TBC1D25: variants seen among roughly 807,000 people sequenced by gnomAD.
TBC1D25 encodes 5SN3 snoRNA.
TBC1D25 carries 13 observed loss-of-function variants against 38.8 expected under a neutral mutation model. The observed-to-expected ratio is 0.34, with a 90% CI of 0.22 to 0.53. The LOEUF is 0.53. TBC1D25 is among the 20% of genes least tolerant of loss of function. The pLI, the probability that TBC1D25 is intolerant of heterozygous loss-of-function variation, is 0.94. For synonymous variants in TBC1D25, 225 were observed against 255.6 expected (o/e 0.88, Z 1.14); for missense variants, 372 against 600.0 (o/e 0.62, Z 3.97).
At chrX:48,540,663 G>A (rs1170012916) in intron 1 of TBC1D25, among the ~76,000 whole-genome samples, 2 of 111,873 alleles carry the variant, frequency 1.8e-5, no homozygotes, top group Non-Finnish European at 3.8e-5. Flanking sequence ...AGGGCCTTTG[G>A]TGTGTATGCT....
chrX:48,548,405 C>T (rs1445908327), intron 3 of TBC1D25, among the ~76,000 whole-genome samples: 2 of 111,309 alleles, frequency 1.8e-5, no homozygotes, highest in African/African-American at 3.3e-5. Flanking sequence ...CAAGAGCCAC[C>T]GCACCCAGCC....
In TBC1D25 at chrX:48,561,349, G is replaced by A. The variant is rs1365100782; in HGVS notation, c.*374G>A. ...AGGCTCCAGCTTCCCCCTTGTGATG[G>A]GGAGAGTGGATGCTGACAATCAGTT... On this transcript the variant is annotated 3_prime_UTR_variant, in exon 6 of 6. Transcript: ENST00000376771. 6.0e-6 allele frequency: 1 copy of A among 165,749 alleles called. No homozygotes were observed. Among genetic ancestry groups the A allele is most frequent in the East Asian group, 1.4e-4 (1 of 7,137 alleles). The allele number at this position is 165,749 out of a possible 1,213,427, so 13.7% of individuals were successfully genotyped here.
In TBC1D25 at chrX:48,559,240, G is replaced by A. The variant is rs370006983; in HGVS notation, c.599G>A (p.Ser200Asn). 2.5e-6 allele frequency: 3 copies of A among 1,209,381 alleles called. No homozygotes were observed. The highest frequency in any genetic ancestry group is 3.4e-6 in the Non-Finnish European group (3 of 895,072). The change falls in exon 5 of 6, where the codon AGC (serine) becomes AAC (asparagine). Residue 200 changes from serine (S) to asparagine (N), a missense_variant. By Grantham distance (46) the Ser-to-Asn change is conservative. This residue lies in a region of TBC1D25 where 312 missense variants were observed against 549.3 expected (regional missense o/e 0.57). Coordinates refer to ENST00000376771, the MANE Select transcript of TBC1D25 (RefSeq NM_002536.4). ...EDVKPFKPPL[S>N]DAEFHTYLNH... ...GTCAAGCCCTTCAAGCCACCCCTGA[G>A]CGATGCTGAGTTTCACACGTACCTG...
rs782222361 is a variant in TBC1D25, at chrX:48,539,771, C to A, written c.-27C>A. The A allele has an allele frequency of 3.1e-6, 3 of 954,341 alleles. No individual in the cohort carries two copies. Among genetic ancestry groups the A allele is most frequent in the African/African-American group, 4.0e-5 (2 of 49,503 alleles). The allele number at this position is 954,341 out of a possible 1,213,427, so 78.6% of individuals were successfully genotyped here. A position where few individuals can be genotyped will look rare whatever the true frequency, so the allele number is the denominator to read the frequency against. The stretch of plus-strand genomic sequence containing the variant: ...GCCGGGGTGGGGGGCAACGGTCAGC[C>A]GTCACCCTGAGACGGGCGGCGGCGG... On this transcript the variant is annotated 5_prime_UTR_variant, in exon 1 of 6. Coordinates refer to ENST00000376771, the MANE Select transcript of TBC1D25 (RefSeq NM_002536.4).
chrX:48,552,822 C>T (rs1354769810), intron 3 of TBC1D25, among the ~76,000 whole-genome samples: 23 of 108,499 alleles, frequency 2.1e-4, no homozygotes, highest in African/African-American at 7.4e-4. Context: ...TGGAGTCTTG[C>T]TCTGTTGCCC....
chrX:48,539,785 G>C lies in TBC1D25; in HGVS notation c.-13G>C. ...CAACGGTCAGCCGTCACCCTGAGACGGGCGGCGGCGGGATGGCAACAGCCT... is the reference window on the plus strand; with the variant it reads ...CAACGGTCAGCCGTCACCCTGAGACCGGCGGCGGCGGGATGGCAACAGCCT... On this transcript the variant is annotated 5_prime_UTR_variant, in exon 1 of 6. Transcript: ENST00000376771. 1 of 960,473 alleles carries C rather than the reference G, an allele frequency of 1.0e-6. No homozygotes were observed. The highest frequency in any genetic ancestry group is 1.3e-6 in the Non-Finnish European group (1 of 766,148). 79.2% of individuals were successfully genotyped at this position (960,473 alleles called of 1,213,427 possible).
At chrX:48,549,215 T>C (rs1254481031) in intron 3 of TBC1D25, among the ~76,000 whole-genome samples, 1 of 112,223 alleles carries the variant, frequency 8.9e-6, no homozygotes, top group Non-Finnish European at 1.9e-5. Flanking sequence ...TTTGTATTTT[T>C]TGTAGAGACA....
intron 3 of TBC1D25, among the ~76,000 whole-genome samples, chrX:48,548,347 C>T (rs2061903700): frequency 9.0e-6 from 1 of 110,562 alleles, no homozygotes; most frequent in Non-Finnish European, 1.9e-5. Flanking sequence ...AACTCCTGGA[C>T]TCAAGCAGTC....
At position 48,560,356 on chromosome X, in the gene TBC1D25, A is replaced by C; in HGVS notation, c.1448A>C (p.Asp483Ala). The stretch of plus-strand genomic sequence containing the variant: ...GGTGGAGGAGGTAGTACCTTTGAAG[A>C]TGCTGTTGACCACCTGGCCACAGCC... ...PAGGGGSTFE[D>A]AVDHLATASQ... is the part of the protein sequence containing the mutation. Residue 483 changes from aspartate to alanine, a missense_variant, in exon 6 of 6, where the codon GAT becomes GCT. Asp to Ala is a moderately radical substitution (Grantham distance 126). This residue lies in a region of TBC1D25 where 312 missense variants were observed against 549.3 expected (regional missense o/e 0.57). Transcript: ENST00000376771. 1 of 1,211,281 alleles carries C rather than the reference A, an allele frequency of 8.3e-7. No homozygotes were observed.
intron 3 of TBC1D25, among the ~76,000 whole-genome samples, chrX:48,549,067 T>A (rs1467142793): frequency 8.9e-6 from 1 of 112,450 alleles, no homozygotes; most frequent in African/African-American, 3.2e-5. Flanking sequence ...TTTTTCTTTT[T>A]GAGACTCTCT....
rs782002768 is a variant in TBC1D25 at position 48,560,967 on chromosome X, G to C, written c.2059G>C (p.Ala687Pro). The change falls in exon 6 of 6, where the codon GCA (alanine) becomes CCA (proline). Residue 687 changes from alanine to proline, a missense_variant. By Grantham distance (27) the Ala-to-Pro change is conservative. Around this residue, in one of 2 missense-constraint regions of TBC1D25, gnomAD observed 312 missense variants for 549.3 expected, o/e 0.57. Coordinates refer to ENST00000376771, the MANE Select transcript of TBC1D25 (RefSeq NM_002536.4). Reference sequence around the variant, plus strand: ...AGAGGAGGGGGCTGAGGCCACAGCCGCATCTTGATCAGGCTTTCTCAAGCC... The same window carrying C: ...AGAGGAGGGGGCTGAGGCCACAGCCCCATCTTGATCAGGCTTTCTCAAGCC... ...DSEEGAEATA[A>P]S 8.4e-7 allele frequency: 1 copy of C among 1,188,643 alleles called. No homozygotes were observed. Among genetic ancestry groups the C allele is most frequent in the African/African-American group, 1.7e-5 (1 of 57,173 alleles).
At chrX:48,553,489 T>C (rs1464087732) in intron 3 of TBC1D25, among the ~76,000 whole-genome samples, 2 of 109,423 alleles carry the variant, frequency 1.8e-5, no homozygotes, top group African/African-American at 3.3e-5. Flanking sequence ...TAGTGCTCCA[T>C]AGGTGCTGTG....
chrX:48,553,108 A>T (rs1349884900), intron 3 of TBC1D25, among the ~76,000 whole-genome samples: 1 of 110,284 alleles, frequency 9.1e-6, no homozygotes, highest in Non-Finnish European at 1.9e-5. Flanking sequence ...TTCTTTTTAA[A>T]TTCCGGGTTA....
intron 2 of TBC1D25, among the ~76,000 whole-genome samples, chrX:48,544,021 G>T (rs2061863501): frequency 8.9e-6 from 1 of 111,886 alleles, no homozygotes; most frequent in African/African-American, 3.2e-5. Flanking sequence ...TCTCTTGGGG[G>T]CAGATGTGAT....
At chrX:48,549,891 T>C (rs2061915475) in intron 3 of TBC1D25, among the ~76,000 whole-genome samples, 1 of 112,732 alleles carries the variant, frequency 8.9e-6, no homozygotes, top group Non-Finnish European at 1.9e-5. Flanking sequence ...TTGTTTTCTT[T>C]TTTACATATA....
At chrX:48,555,993 C>T (rs897229800) in intron 3 of TBC1D25, among the ~76,000 whole-genome samples, 1 of 106,973 alleles carries the variant, frequency 9.3e-6, no homozygotes, top group African/African-American at 3.4e-5. Flanking sequence ...GGCTTTACAC[C>T]GAGACATTCC....
chrX:48,552,793 C>CT lies in TBC1D25; in HGVS notation c.389-6090dup, dbSNP rs1216114960. 1.8e-3 allele frequency among the ~76,000 whole-genome samples: 177 copies of CT among 101,132 alleles called. 1 individual carries two copies. The highest frequency in any genetic ancestry group is 1.2e-3 in the East Asian group (4 of 3,228). The allele number at this position is 101,132 out of a possible 115,157, so 87.8% of individuals were successfully genotyped here. On this transcript the variant is annotated intron_variant, in intron 3 of 5. Transcript: ENST00000376771. The stretch of plus-strand genomic sequence containing the variant: ...TAACTTCTAGCTTTTGCTTAGACAA[C>CT]TTTTTTTTTTTTTTGAGATGGAGTC...
intron 3 of TBC1D25, among the ~76,000 whole-genome samples, chrX:48,557,726 T>C (rs1246860820): frequency 9.2e-6 from 1 of 109,258 alleles, no homozygotes; most frequent in Non-Finnish European, 1.9e-5. Flanking sequence ...GGAGAACTGC[T>C]TGAACCCAAA....
intron 3 of TBC1D25, among the ~76,000 whole-genome samples, chrX:48,552,418 A>G (rs1213483470): frequency 1.1e-5 from 1 of 89,756 alleles, no homozygotes; most frequent in Non-Finnish European, 2.2e-5. Flanking sequence ...GCAGTGGCAC[A>G]ATCTTGGCTC....
Sources: gnomAD v4.1 joint callset for allele counts (sites outside exome capture counted in the v4.1 genomes callset) on GRCh38, gnomAD v4.1.1 for gene constraint, gnomAD v4.1.1 regional missense constraint, MANE v1.5 for transcripts, NCBI Gene and HGNC (gene_info 2026-07-23, HGNC 2026-07-21) for gene names.